Variants in GADD45GIP1 observed in about 807,000 individuals in gnomAD.
GADD45GIP1 encodes GADD45G interacting protein 1.
In GADD45GIP1, 17 loss-of-function variants were observed where a neutral mutation model predicts 22.1. The observed-to-expected ratio is 0.77, with a 90% CI of 0.53 to 1.15. The LOEUF (loss-of-function observed/expected upper bound fraction) is 1.15, where lower values mean the gene tolerates loss of function less well. GADD45GIP1 is among the 50% of genes most tolerant of loss of function. The probability of loss-of-function intolerance (pLI) is 0.00; values close to 1 mark genes in which losing one functional copy is unlikely to be tolerated. For missense variants in GADD45GIP1, 294 were observed against 314.0 expected, an observed-to-expected ratio of 0.94 and a Z score of 0.48; for synonymous variants, 135 against 138.4, an observed-to-expected ratio of 0.98 and a Z score of 0.17.
At position 12,953,881 on chromosome 19, in the gene GADD45GIP1, G is replaced by A. The variant is rs1427707070; in HGVS notation, c.*327C>T. On this transcript the variant is annotated 3_prime_UTR_variant, in exon 2 of 2. Transcript: ENST00000316939. ...GCCCCCACCATCATCACCACAGTCT[G>A]TTTTGGCTATACTTCCCCCCCCACC... is the stretch of plus-strand genomic sequence containing the variant. 6 of 298,610 alleles carry A rather than the reference G, an allele frequency of 2.0e-5. No homozygotes were observed. The East Asian group carries it at 4.2e-4, about 21-fold the overall frequency. 18.5% of individuals were successfully genotyped at this position (298,610 alleles called of 1,614,324 possible). A position where few individuals can be genotyped will look rare whatever the true frequency, so the allele number is the denominator to read the frequency against.
chr19:12,955,729 T>C (rs1164661583), intron 1 of GADD45GIP1, among the ~76,000 whole-genome samples: 1 of 151,966 alleles, frequency 6.6e-6, no homozygotes, highest in African/African-American at 2.4e-5. Flanking sequence ...GGTGTGGTGG[T>C]GGGCGCTTGT....
In GADD45GIP1 at chr19:12,953,238, A is replaced by G. The variant is rs1971865048; in HGVS notation, c.*970T>C. 1 of 444,752 alleles carries G rather than the reference A, an allele frequency of 2.2e-6. No homozygotes were observed. The highest frequency in any genetic ancestry group is 4.0e-5 in the Admixed American group (1 of 25,006). 27.6% of individuals were successfully genotyped at this position (444,752 alleles called of 1,614,324 possible). On this transcript the variant is annotated 3_prime_UTR_variant, in exon 2 of 2. Coordinates refer to ENST00000316939, the MANE Select transcript of GADD45GIP1 (RefSeq NM_052850.4). ...GGCCCCTGTTCCCATCTCCCGGGCC[A>G]GACAGCTGTCCCCCCGTCCTCCTCC...
chr19:12,955,715 G>A (rs1372496066), intron 1 of GADD45GIP1, among the ~76,000 whole-genome samples: 1 of 152,140 alleles, frequency 6.6e-6, no homozygotes, highest in African/African-American at 2.4e-5. Context: ...CAAAAAATGA[G>A]CCGGGTGTGG....
At chr19:12,954,642 A>G in intron 1 of GADD45GIP1, 116 bp from the exon 2 acceptor site, 1 of 738,774 alleles carries the variant, frequency 1.4e-6, no homozygotes, top group East Asian at 2.7e-5. Context: ...CTCCCCCAGT[A>G]GATTAACTGT....
Position 12,953,657 on chromosome 19 carries a change from G to T in GADD45GIP1, c.*551C>A. On this transcript the variant is annotated 3_prime_UTR_variant, in exon 2 of 2. Coordinates refer to ENST00000316939, the MANE Select transcript of GADD45GIP1 (RefSeq NM_052850.4). ...TTTAAAAACTAGCCCTATGGTCTGT[G>T]CCTGCTGGGGCTCCCCGCGCCCACC... The T allele has an allele frequency of 6.4e-6, 1 of 156,422 alleles. No homozygotes were observed. The allele number at this position is 156,422 out of a possible 1,614,324, so 9.7% of individuals were successfully genotyped here.
At chr19:12,956,395 T>C (rs772744823) in intron 1 of GADD45GIP1, among the ~76,000 whole-genome samples, 17 of 152,194 alleles carry the variant, frequency 1.1e-4, no homozygotes, top group Non-Finnish European at 2.4e-4. Context: ...GGCTCACACC[T>C]GTAATCCCGG....
chr19:12,957,122 G>C lies in GADD45GIP1; in HGVS notation c.91C>G (p.Pro31Ala). Residue 31 changes from proline to alanine, a missense_variant, in exon 1 of 2, where the codon CCG becomes GCG. Pro to Ala is a conservative substitution (Grantham distance 27). Coordinates refer to ENST00000316939, the MANE Select transcript of GADD45GIP1 (RefSeq NM_052850.4). ...CACCGGGGTCCCGGCCTGCGGCGCG[G>C]GGGCGGCCGCGCCCGGTAGCCACGG... ...GSRGYRARPP[P>A]RRRPGPRWPD... The C allele has an allele frequency of 7.0e-7, 1 of 1,419,788 alleles. No homozygotes were observed. The highest frequency in any genetic ancestry group is 9.1e-7 in the Non-Finnish European group (1 of 1,100,226). 87.9% of individuals were successfully genotyped at this position (1,419,788 alleles called of 1,614,324 possible).
rs1280731180 is a variant in GADD45GIP1, at chr19:12,954,178, T to C, written c.*30A>G. 7 of 1,587,658 alleles carry C rather than the reference T, an allele frequency of 4.4e-6. No individual in the cohort carries two copies. The African/African-American group carries it at 6.8e-5, about 15-fold the overall frequency. Reference sequence around the variant, plus strand: ...AGATCTCTTCAGGGGTACTGCCAGGTAGCAGGCTTTATTGGGAAGGGACAA... The same window carrying C: ...AGATCTCTTCAGGGGTACTGCCAGGCAGCAGGCTTTATTGGGAAGGGACAA... On this transcript the variant is annotated 3_prime_UTR_variant, in exon 2 of 2. Coordinates refer to ENST00000316939, the MANE Select transcript of GADD45GIP1 (RefSeq NM_052850.4).
chr19:12,954,356 C>T lies in GADD45GIP1; in HGVS notation c.521G>A (p.Arg174His), dbSNP rs763367169. ...TAGGTCCTGGAGCAGCTCCTGGAAG[C>T]GGGCACTCCTTGGGTCCACCTGGTA... ...LGYQVDPRSA[R>H]FQELLQDLEK... Residue 174 changes from arginine to histidine, a missense_variant, in exon 2 of 2, where the codon CGC becomes CAC. Coordinates refer to ENST00000316939, the MANE Select transcript of GADD45GIP1 (RefSeq NM_052850.4). The T allele has an allele frequency of 1.8e-5, 29 of 1,614,130 alleles. No homozygotes were observed. The highest frequency in any genetic ancestry group is 2.4e-5 in the Non-Finnish European group (28 of 1,180,000).
Position 12,954,134 on chromosome 19 carries a change from G to T in GADD45GIP1, c.*74C>A. The stretch of plus-strand genomic sequence containing the variant: ...GGGAGGAACCAGGGGACCCAGAGAG[G>T]CACACCTTGAGAGGACGCAGATCTC... On this transcript the variant is annotated 3_prime_UTR_variant, in exon 2 of 2. Coordinates refer to ENST00000316939, the MANE Select transcript of GADD45GIP1 (RefSeq NM_052850.4). 2.3e-6 allele frequency: 3 copies of T among 1,304,426 alleles called. No homozygotes were observed. Among genetic ancestry groups the T allele is most frequent in the Non-Finnish European group, 3.2e-6 (3 of 933,490 alleles). The allele number at this position is 1,304,426 out of a possible 1,614,324, so 80.8% of individuals were successfully genotyped here.
chr19:12,956,889 C>G lies in GADD45GIP1; in HGVS notation c.324G>C (p.Leu108=). The G allele has an allele frequency of 6.3e-7, 1 of 1,598,866 alleles. No individual in the cohort carries two copies. The highest frequency in any genetic ancestry group is 8.5e-7 in the Non-Finnish European group (1 of 1,179,476). The part of the protein sequence containing the change: ...TMQESLRVKQ[L]AEEQKRRERE... ...TCTCCCGACGCTTCTGCTCTTCGGC[C>G]AGCTGCTTCACCCGCAGCGACTCCT... Residue 108 remains leucine (L), a synonymous_variant, in exon 1 of 2, where the codon CTG becomes CTC. Transcript: ENST00000316939.
intron 1 of GADD45GIP1, 108 bp from the exon 2 acceptor site, chr19:12,954,634 C>G: frequency 2.5e-6 from 2 of 791,980 alleles, no homozygotes; most frequent in Non-Finnish European, 4.0e-6. Flanking sequence ...CTCCTCAACT[C>G]CCCCAGTAGA....
At position 12,953,252 on chromosome 19, in the gene GADD45GIP1, C is replaced by G; in HGVS notation, c.*956G>C. 2.4e-6 allele frequency: 1 copy of G among 420,002 alleles called. No homozygotes were observed. Among genetic ancestry groups the G allele is most frequent in the Non-Finnish European group, 4.1e-6 (1 of 242,738 alleles). The allele number at this position is 420,002 out of a possible 1,614,324, so 26.0% of individuals were successfully genotyped here. A position where few individuals can be genotyped will look rare whatever the true frequency, so the allele number is the denominator to read the frequency against. On this transcript the variant is annotated 3_prime_UTR_variant, in exon 2 of 2. Coordinates refer to ENST00000316939, the MANE Select transcript of GADD45GIP1 (RefSeq NM_052850.4). The stretch of plus-strand genomic sequence containing the variant: ...TCTCCCGGGCCAGACAGCTGTCCCC[C>G]CGTCCTCCTCCCCAGCCCAGCCTGC...
At chr19:12,955,775 C>T (rs1410788038) in intron 1 of GADD45GIP1, among the ~76,000 whole-genome samples, 1 of 152,078 alleles carries the variant, frequency 6.6e-6, no homozygotes, top group Non-Finnish European at 1.5e-5. Context: ...GCAGGAGAAT[C>T]TCTTGATCCT....
rs751451604 is a variant in GADD45GIP1 at position 12,954,514 on chromosome 19, G to C, written c.363C>G (p.Ile121Met). ...GTGGCATCTTGGCCATGCACTCTGC[G>C]ATGTGCTGCTCCCTGCAGGGGAGGG... ...EQKRREREQHIAECMAKMPQM... is the reference protein window; with the variant it reads ...EQKRREREQHMAECMAKMPQM... The change falls in exon 2 of 2, where the codon ATC (isoleucine) becomes ATG (methionine). Residue 121 changes from isoleucine (I) to methionine (M), a missense_variant. Ile to Met is a conservative substitution (Grantham distance 10, BLOSUM62 1). Coordinates refer to ENST00000316939, the MANE Select transcript of GADD45GIP1 (RefSeq NM_052850.4). 1 of 1,612,898 alleles carries C rather than the reference G, an allele frequency of 6.2e-7. No individual in the cohort carries two copies. Among genetic ancestry groups the C allele is most frequent in the Non-Finnish European group, 8.5e-7 (1 of 1,179,276 alleles).
chr19:12,953,835 T>TA lies in GADD45GIP1; in HGVS notation c.*372dup. 1 of 195,158 alleles carries TA rather than the reference T, an allele frequency of 5.1e-6. No homozygotes were observed. Among genetic ancestry groups the TA allele is most frequent in the East Asian group, 1.4e-4 (1 of 7,280 alleles). The allele number at this position is 195,158 out of a possible 1,614,324, so 12.1% of individuals were successfully genotyped here. On this transcript the variant is annotated 3_prime_UTR_variant, in exon 2 of 2. Coordinates refer to ENST00000316939, the MANE Select transcript of GADD45GIP1 (RefSeq NM_052850.4). ...CAGGCAGTGGACCCCAGCCCAACGTTACAAGGACTGCTTCTCCCCGGCCCC... is the reference window on the plus strand; with the variant it reads ...CAGGCAGTGGACCCCAGCCCAACGTTAACAAGGACTGCTTCTCCCCGGCCCC...
intron 1 of GADD45GIP1, among the ~76,000 whole-genome samples, chr19:12,955,681 G>A (rs1225730052): frequency 6.6e-6 from 1 of 152,010 alleles, no homozygotes; most frequent in Non-Finnish European, 1.5e-5. Flanking sequence ...CCAATATGGC[G>A]AAACCCCATC....
At position 12,954,533 on chromosome 19, in the gene GADD45GIP1, G is replaced by T; in HGVS notation, c.351-7C>A. ...CTCTGCGATGTGCTGCTCCCTGCAG[G>T]GGAGGGAGAGTGGGCTGTGACACTG... On this transcript the variant is annotated splice_polypyrimidine_tract_variant and splice_region_variant and intron_variant, in intron 1 of 1. Transcript: ENST00000316939. 1 of 1,601,906 alleles carries T rather than the reference G, an allele frequency of 6.2e-7. No homozygotes were observed. The highest frequency in any genetic ancestry group is 8.5e-7 in the Non-Finnish European group (1 of 1,172,178).
Position 12,957,096 on chromosome 19 carries a change from C to G in GADD45GIP1, c.117G>C (p.Trp39Cys), listed in dbSNP as rs772901169. 1.0e-5 allele frequency: 15 copies of G among 1,482,624 alleles called. No individual in the cohort carries two copies. Among genetic ancestry groups the G allele is most frequent in the Non-Finnish European group, 1.3e-5 (15 of 1,128,274 alleles). The allele number at this position is 1,482,624 out of a possible 1,614,324, so 91.8% of individuals were successfully genotyped here. A position where few individuals can be genotyped will look rare whatever the true frequency, so the allele number is the denominator to read the frequency against. ...PPPRRRPGPR[W>C]PDPEDLLTPR... is the part of the protein sequence containing the mutation. ...GGGTCAGGAGGTCCTCGGGGTCTGGCCACCGGGGTCCCGGCCTGCGGCGCG... is the reference window on the plus strand; with the variant it reads ...GGGTCAGGAGGTCCTCGGGGTCTGGGCACCGGGGTCCCGGCCTGCGGCGCG... The change falls in exon 1 of 2, where the codon TGG becomes TGC. Residue 39 changes from tryptophan (W) to cysteine (C), a missense_variant. Trp to Cys is a radical substitution (Grantham distance 215, BLOSUM62 -2). Transcript: ENST00000316939.
Sources: gnomAD v4.1 joint callset for allele counts (sites outside exome capture counted in the v4.1 genomes callset) on GRCh38, gnomAD v4.1.1 for gene constraint, MANE v1.5 for transcripts, NCBI Gene and HGNC (gene_info 2026-07-23, HGNC 2026-07-21) for gene names.